Variants in SMARCA2 observed in about 807,000 individuals in gnomAD.
SMARCA2 encodes SWI/SNF related BAF chromatin remodeling complex subunit ATPase 2, also known as SWI/SNF-related matrix-associated actin-dependent regulator of chromatin subfamily A member 2.
In SMARCA2, 61 loss-of-function variants were observed where a neutral mutation model predicts 199.8. The observed-to-expected ratio is 0.31, with a 90% CI of 0.25 to 0.38. The LOEUF (loss-of-function observed/expected upper bound fraction) is 0.38, where lower values mean the gene tolerates loss of function less well. Ranked by LOEUF, SMARCA2 falls within the 10% of genes least tolerant of loss-of-function variation. SMARCA2 has a pLI of 1.00. For missense variants in SMARCA2, 1,344 were observed against 2,012.2 expected, an observed-to-expected ratio of 0.67 and a Z score of 6.35; for synonymous variants, 935 against 732.0, an observed-to-expected ratio of 1.28 and a Z score of -4.48.
rs772105451 is a variant in SMARCA2, at chr9:2,101,585, C to T, written c.3094C>T (p.His1032Tyr). Residue 1032 changes from histidine (H) to tyrosine (Y), a missense_variant, in exon 22 of 34, where the codon CAC becomes TAC. His to Tyr is a moderately conservative substitution (Grantham distance 83, BLOSUM62 2). Around this residue, in one of 18 missense-constraint regions of SMARCA2, gnomAD observed 98 missense variants for 245.6 expected, o/e 0.40. Transcript: ENST00000349721. ...FQHIEESFAE[H>Y]LGYSNGVING... ...TCTTTTAAAGGAATCCTTTGCTGAA[C>T]ACCTAGGCTATTCAAATGGGGTCAT... 3.2e-6 allele frequency: 5 copies of T among 1,552,178 alleles called. No individual in the cohort carries two copies. The Admixed American group carries it at 9.0e-5, about 28-fold the overall frequency.
At chr9:2,093,240 A>G (rs912958554) in intron 19 of SMARCA2, among the ~76,000 whole-genome samples, 1 of 152,254 alleles carries the variant, frequency 6.6e-6, no homozygotes, top group East Asian at 1.9e-4. Context: ...CGGGGTACCC[A>G]GTATGTACAC....
intron 5 of SMARCA2, among the ~76,000 whole-genome samples, chr9:2,050,736 C>G (rs1321070172): frequency 6.6e-6 from 1 of 152,024 alleles, no homozygotes. Flanking sequence ...CACACACGCT[C>G]TCTTTTTAAA....
At chr9:2,129,704 C>T (rs561373159) in intron 27 of SMARCA2, among the ~76,000 whole-genome samples, 2 of 152,316 alleles carry the variant, frequency 1.3e-5, no homozygotes, top group African/African-American at 4.8e-5. Context: ...ACCCTGTAGT[C>T]ATGTGGTTGG....
intron 9 of SMARCA2, among the ~76,000 whole-genome samples, chr9:2,067,401 A>G (rs892039937): frequency 1.8e-4 from 28 of 152,294 alleles, no homozygotes; most frequent in African/African-American, 6.0e-4. Context: ...CCCTGACCTC[A>G]TAGCCTTATG....
In SMARCA2 at chr9:2,062,390, T is replaced by C. The variant is rs1820635214; in HGVS notation, c.1692+1404T>C. Among the ~76,000 whole-genome samples, 10 of 152,346 alleles carry C rather than the reference T, an allele frequency of 6.6e-5. 1 individual carries two copies. ...AGTGTTTTTAGTATTAAAATTTTTGTATTTTACATTTCTTTGTGATTAAAA... is the reference window on the plus strand; with the variant it reads ...AGTGTTTTTAGTATTAAAATTTTTGCATTTTACATTTCTTTGTGATTAAAA... On this transcript the variant is annotated intron_variant, in intron 9 of 33. Coordinates refer to ENST00000349721, the MANE Select transcript of SMARCA2 (RefSeq NM_003070.5).
chr9:2,087,697 C>T (rs1447339061), intron 18 of SMARCA2, among the ~76,000 whole-genome samples: 1 of 152,048 alleles, frequency 6.6e-6, no homozygotes, highest in African/African-American at 2.4e-5. Flanking sequence ...TGGGCCATTG[C>T]AAGAAAAGAA....
At chr9:2,061,408 G>T (rs937077816) in intron 9 of SMARCA2, among the ~76,000 whole-genome samples, 2 of 152,214 alleles carry the variant, frequency 1.3e-5, no homozygotes, top group Non-Finnish European at 2.9e-5. Context: ...ATAAGCAATA[G>T]TTACTTGGAC....
In SMARCA2 at chr9:2,056,876, A is replaced by G. The variant is rs531907265; in HGVS notation, c.1347+31A>G. The G allele has an allele frequency of 2.5e-6, 4 of 1,598,804 alleles. No homozygotes were observed. The highest frequency in any genetic ancestry group is 1.3e-5 in the African/African-American group (1 of 74,236). On this transcript the variant is annotated intron_variant, in intron 7 of 33. Transcript: ENST00000349721. This position sits in a 1 kb window ranked among gnomAD's most constrained non-coding sequence, Gnocchi z 4.0. ...TAGACCCTGGGCTTTGCTCACCCTC[A>G]CTTTGGCAGAGCTGTCCAATGAATT...
chr9:2,163,788 T>C (rs1825805906), intron 28 of SMARCA2, among the ~76,000 whole-genome samples: 1 of 152,160 alleles, frequency 6.6e-6, no homozygotes, highest in Non-Finnish European at 1.5e-5. Context: ...GTTGAGAAGC[T>C]AGGCCTTTCA....
chr9:2,103,011 C>G (rs1822596499), intron 22 of SMARCA2, among the ~76,000 whole-genome samples: 1 of 150,912 alleles, frequency 6.6e-6, no homozygotes, highest in South Asian at 2.1e-4. Flanking sequence ...CTTTACCCCT[C>G]AGGACCTTTA....
In SMARCA2 at chr9:2,187,443, A is replaced by C. The variant is rs1586817773; in HGVS notation, c.4594+1215A>C. ...TCCGAGCACTCTGGGAGGCTGAGGC[A>C]GAAGGATAGCTTGAGGCTAGGAGTT... is the stretch of plus-strand genomic sequence containing the variant. On this transcript the variant is annotated intron_variant, in intron 32 of 33. Coordinates refer to ENST00000349721, the MANE Select transcript of SMARCA2 (RefSeq NM_003070.5). Among the ~76,000 whole-genome samples, 5 of 152,156 alleles carry C rather than the reference A, an allele frequency of 3.3e-5. No individual in the cohort carries two copies. The East Asian group carries it at 9.7e-4, about 29-fold the overall frequency.
intron 15 of SMARCA2, among the ~76,000 whole-genome samples, chr9:2,082,944 A>C (rs554133724): frequency 6.6e-6 from 1 of 152,210 alleles, no homozygotes; most frequent in Admixed American, 6.5e-5. Flanking sequence ...TTCCCTCTTG[A>C]CAGATTTATT....
Position 2,192,695 on chromosome 9 carries a change from T to C in SMARCA2, c.4738-9T>C, listed in dbSNP as rs886063796. The stretch of plus-strand genomic sequence containing the variant: ...TTACTTCATTTTATCTTCTTATTTT[T>C]ACTTTTAGGAACAGTCAGAAGGAAG... On this transcript the variant is annotated splice_polypyrimidine_tract_variant and intron_variant, in intron 33 of 33. Transcript: ENST00000349721. The C allele has an allele frequency of 2.5e-6, 4 of 1,594,888 alleles. No individual in the cohort carries two copies. The highest frequency in any genetic ancestry group is 3.4e-6 in the Non-Finnish European group (4 of 1,162,606).
intron 27 of SMARCA2, among the ~76,000 whole-genome samples, chr9:2,137,466 CCTT>C (rs894115197): frequency 6.6e-6 from 1 of 152,154 alleles, no homozygotes; most frequent in Admixed American, 6.5e-5. Flanking sequence ...ACTGAACTCT[CCTT>C]CTAGTCCTTG....
intron 4 of SMARCA2, chr9:2,044,456 C>T (rs1371104178): frequency 6.6e-6 from 1 of 152,210 alleles, no homozygotes; most frequent in Non-Finnish European, 1.5e-5. Flanking sequence ...ACCGAATTTC[C>T]TGAAAGACCT....
At position 2,169,385 on chromosome 9, in the gene SMARCA2, T is replaced by C. The variant is rs79341239; in HGVS notation, c.4200-1034T>C. ...ACTTCTTAGCGTAGGAGAATTGTTA[T>C]CTTCCACAGTCTGAACCTTCGGATC... On this transcript the variant is annotated intron_variant, in intron 28 of 33. Transcript: ENST00000349721. The surrounding 1 kb of genome is among the most constrained non-coding windows in gnomAD (Gnocchi z 6.5). 0.019 allele frequency among the ~76,000 whole-genome samples: 2,859 copies of C among 152,280 alleles called. 66 individuals carry two copies. The highest frequency in any genetic ancestry group is 0.063 in the African/African-American group (2,612 of 41,510).
At chr9:2,076,181 T>C (rs1821316163) in intron 12 of SMARCA2, 48 bp from the exon 13 acceptor site, 4 of 1,024,052 alleles carry the variant, frequency 3.9e-6, no homozygotes, top group Non-Finnish European at 6.2e-6. Flanking sequence ...ATCATAGAGA[T>C]TTCCTTGTTA....
At chr9:2,190,629 TCACA>T (rs58109690) in intron 32 of SMARCA2, among the ~76,000 whole-genome samples, 3 of 151,562 alleles carry the variant, frequency 2.0e-5, no homozygotes, top group African/African-American at 7.3e-5. Flanking sequence ...ATATGTAGAA[TCACA>T]CACACACACA....
Position 2,192,903 on chromosome 9 carries a change from T to TA in SMARCA2, c.*170dup. The TA allele has an allele frequency of 1.7e-6, 1 of 600,530 alleles. No individual in the cohort carries two copies. Among genetic ancestry groups the TA allele is most frequent in the Non-Finnish European group, 3.0e-6 (1 of 334,582 alleles). The allele number at this position is 600,530 out of a possible 1,614,324, so 37.2% of individuals were successfully genotyped here. On this transcript the variant is annotated 3_prime_UTR_variant, in exon 34 of 34. Transcript: ENST00000349721. ...CAGACAAACATATGATATCATGGTG[T>TA]AAAAAACACACACATACACAAATAT...
Sources: gnomAD v4.1 joint callset for allele counts (sites outside exome capture counted in the v4.1 genomes callset) on GRCh38, gnomAD v4.1.1 for gene constraint, gnomAD v4.1.1 regional missense constraint, Gnocchi (gnomAD v3.1) non-coding constraint, MANE v1.5 for transcripts, NCBI Gene and HGNC (gene_info 2026-07-23, HGNC 2026-07-21) for gene names.